The following COLGALT2 variants were observed in gnomAD, a reference collection of about 807,000 sequenced individuals.
COLGALT2 encodes the protein collagen beta(1-O)galactosyltransferase 2.
COLGALT2 carries 49 observed loss-of-function variants against 73.4 expected under a neutral mutation model. The ratio of observed to expected loss-of-function variants is 0.67; its 90% CI spans 0.53 to 0.85. COLGALT2 has a LOEUF of 0.85. COLGALT2 is among the 40% of genes least tolerant of loss of function. The pLI is 0.00. For missense variants in COLGALT2, 722 were observed against 790.2 expected (o/e 0.91, Z 1.03); for synonymous variants, 295 against 307.6 (o/e 0.96, Z 0.43).
downstream of COLGALT2, among the ~76,000 whole-genome samples, chr1:183,931,622 A>C (rs2102780280): frequency 6.6e-6 from 1 of 152,254 alleles, no homozygotes; most frequent in South Asian, 2.1e-4. Context: ...GCCAGTTTTA[A>C]GACCACCTGG....
chr1:183,963,296 T>C (rs533983264), intron 6 of COLGALT2, among the ~76,000 whole-genome samples: 1 of 152,292 alleles, frequency 6.6e-6, no homozygotes, highest in East Asian at 1.9e-4. Context: ...ATCTCATTGT[T>C]TTTCATCTTT....
chr1:183,957,033 T>C (rs1160543859), intron 6 of COLGALT2, among the ~76,000 whole-genome samples: 4 of 152,158 alleles, frequency 2.6e-5, no homozygotes, highest in Non-Finnish European at 5.9e-5. Context: ...AATCCTTCCC[T>C]GTACTGCCAC....
chr1:183,989,432 A>G (rs893683720), intron 1 of COLGALT2, among the ~76,000 whole-genome samples: 1 of 152,184 alleles, frequency 6.6e-6, no homozygotes, highest in Non-Finnish European at 1.5e-5. Context: ...GTCACAGCCC[A>G]AGGACTGGGC....
chr1:184,014,166 G>C (rs1436986794), intron 1 of COLGALT2, among the ~76,000 whole-genome samples: 5 of 152,180 alleles, frequency 3.3e-5, no homozygotes, highest in Non-Finnish European at 5.9e-5. Flanking sequence ...GAACGGACCA[G>C]ACTACTTGAG....
intron 1 of COLGALT2, among the ~76,000 whole-genome samples, chr1:184,016,531 A>G (rs918502511): frequency 6.6e-6 from 1 of 152,238 alleles, no homozygotes; most frequent in Non-Finnish European, 1.5e-5. Context: ...TCTACCACTC[A>G]AGTGGCATTG....
At chr1:183,958,464 T>C (rs1670611413) in intron 6 of COLGALT2, among the ~76,000 whole-genome samples, 1 of 152,186 alleles carries the variant, frequency 6.6e-6, no homozygotes, top group African/African-American at 2.4e-5. Context: ...ATGATGTAAG[T>C]GTCCTTTCAT....
intron 1 of COLGALT2, among the ~76,000 whole-genome samples, chr1:184,020,171 C>T (rs1196794464): frequency 6.6e-6 from 1 of 152,070 alleles, no homozygotes; most frequent in Non-Finnish European, 1.5e-5. Context: ...ATGACACTGC[C>T]ATTGATGACA....
At chr1:184,032,169 C>CT in intron 1 of COLGALT2, among the ~76,000 whole-genome samples, 1 of 152,124 alleles carries the variant, frequency 6.6e-6, no homozygotes, top group Non-Finnish European at 1.5e-5. Context: ...GCTAGGATTA[C>CT]AGGCATGAGC....
At chr1:183,967,856 T>C (rs896740761) in intron 5 of COLGALT2, among the ~76,000 whole-genome samples, 2 of 152,192 alleles carry the variant, frequency 1.3e-5, no homozygotes, top group Non-Finnish European at 2.9e-5. Flanking sequence ...TTTACAAAAA[T>C]CTTCCAATCA....
intron 2 of COLGALT2, among the ~76,000 whole-genome samples, chr1:183,977,969 T>C (rs1036351869): frequency 2.0e-5 from 3 of 152,110 alleles, no homozygotes; most frequent in Non-Finnish European, 2.9e-5. Flanking sequence ...TTATGGTAAA[T>C]GCACATACAA....
At chr1:183,935,402 C>T (rs1290183978), downstream of COLGALT2, among the ~76,000 whole-genome samples, 1 of 152,168 alleles carries the variant, frequency 6.6e-6, no homozygotes, top group Non-Finnish European at 1.5e-5. Flanking sequence ...TAGGGGTAAG[C>T]TTGATCTAAA....
chr1:183,931,123 G>A (rs995774556), downstream of COLGALT2, among the ~76,000 whole-genome samples: 4 of 152,158 alleles, frequency 2.6e-5, no homozygotes, highest in African/African-American at 4.8e-5. Context: ...GAACAGTTAA[G>A]TTGCCCAAGT....
At chr1:183,967,925 G>T (rs1029874039) in intron 5 of COLGALT2, among the ~76,000 whole-genome samples, 1 of 152,176 alleles carries the variant, frequency 6.6e-6, no homozygotes, top group African/African-American at 2.4e-5. Context: ...CTGGCCAAAG[G>T]GTCTAAATTG....
Position 183,999,923 on chromosome 1 carries a change from T to G in COLGALT2, c.264-21403A>C, listed in dbSNP as rs552344816. 6.2e-4 allele frequency among the ~76,000 whole-genome samples: 94 copies of G among 152,238 alleles called. 1 individual carries two copies. Among genetic ancestry groups the G allele is most frequent in the African/African-American group, 2.2e-3 (90 of 41,574 alleles). On this transcript the variant is annotated intron_variant, in intron 1 of 11. Coordinates refer to ENST00000361927, the MANE Select transcript of COLGALT2 (RefSeq NM_015101.4). ...ATATCTTCAGTTTCTATTTCATTAA[T>G]TTCTGTCTTTATATGCATTATTTTC...
intron 6 of COLGALT2, among the ~76,000 whole-genome samples, chr1:183,956,989 G>A (rs181725859): frequency 6.6e-5 from 10 of 152,144 alleles, no homozygotes; most frequent in Admixed American, 5.2e-4. Flanking sequence ...TTTCATAATT[G>A]ATCTGGTCTC....
At position 183,937,586 on chromosome 1, in the gene COLGALT2, T is replaced by C. The variant is rs1187509715; in HGVS notation, c.*1175A>G. On this transcript the variant is annotated 3_prime_UTR_variant, in exon 12 of 12. Transcript: ENST00000361927. ...AGATAGAGAATCATTTGTTTCCAAA[T>C]AGTTCAAATCCCCCCATCCACAGGC... is the stretch of plus-strand genomic sequence containing the variant. 3.0e-6 allele frequency: 3 copies of C among 985,208 alleles called. No homozygotes were observed. The highest frequency in any genetic ancestry group is 1.7e-5 in the African/African-American group (1 of 57,200). The allele number at this position is 985,208 out of a possible 1,614,324, so 61.0% of individuals were successfully genotyped here. A position where few individuals can be genotyped will look rare whatever the true frequency, so the allele number is the denominator to read the frequency against.
intron 1 of COLGALT2, among the ~76,000 whole-genome samples, chr1:184,035,233 A>G (rs1649636369): frequency 6.6e-6 from 1 of 152,248 alleles, no homozygotes; most frequent in African/African-American, 2.4e-5. Context: ...AATCTATGGA[A>G]TTCAAGAGCC....
chr1:184,031,410 A>G (rs1184348300), intron 1 of COLGALT2, among the ~76,000 whole-genome samples: 2 of 152,370 alleles, frequency 1.3e-5, no homozygotes, highest in East Asian at 3.9e-4. Context: ...TTCACTAAAA[A>G]GTGCCTGAAC....
At chr1:183,931,598 T>A (rs1669844366), downstream of COLGALT2, among the ~76,000 whole-genome samples, 1 of 151,936 alleles carries the variant, frequency 6.6e-6, no homozygotes, top group African/African-American at 2.4e-5. Flanking sequence ...GGGGCTTGAG[T>A]GGCGTTCAGG....
Sources: gnomAD v4.1 joint callset for allele counts (sites outside exome capture counted in the v4.1 genomes callset) on GRCh38, gnomAD v4.1.1 for gene constraint, MANE v1.5 for transcripts, NCBI Gene and HGNC (gene_info 2026-07-23, HGNC 2026-07-21) for gene names.